The following KRT8 variants were observed in gnomAD, a reference collection of about 807,000 sequenced individuals.
KRT8 encodes keratin, type II cytoskeletal 8.
A neutral mutation model predicts 43.0 loss-of-function variants in KRT8; 24 were observed. That is an observed-to-expected ratio of 0.56 (90% CI 0.40 to 0.78). The LOEUF (loss-of-function observed/expected upper bound fraction) is 0.78. Among genes scored for constraint, KRT8 ranks in the 30% least tolerant of loss-of-function variants. KRT8 has a pLI of 0.00. For synonymous variants in KRT8, 214 were observed against 261.2 expected (o/e 0.82, Z 1.74); for missense variants, 492 against 638.4 (o/e 0.77, Z 2.47).
intron 2 of KRT8, among the ~76,000 whole-genome samples, chr12:52,927,024 C>T (rs961874451): frequency 6.6e-6 from 1 of 152,224 alleles, no homozygotes; most frequent in South Asian, 2.1e-4. Flanking sequence ...CCTATCTCCT[C>T]TCTCCCACAT....
intron 2 of KRT8, among the ~76,000 whole-genome samples, chr12:52,946,160 T>G (rs1942340927): frequency 6.6e-6 from 1 of 152,122 alleles, no homozygotes. Context: ...CCCAGAAGTT[T>G]CCTAGCAGTT....
At chr12:52,901,823 G>A (rs1237996560) in intron 2 of KRT8, 41 bp downstream of exon 2, 1 of 1,384,396 alleles carries the variant, frequency 7.2e-7, no homozygotes, top group South Asian at 1.2e-5. Flanking sequence ...GTGGAGGAGA[G>A]CACGGTGACT....
chr12:52,931,688 G>A (rs1009316131), intron 2 of KRT8, among the ~76,000 whole-genome samples: 6 of 147,856 alleles, frequency 4.1e-5, no homozygotes, highest in African/African-American at 1.6e-4. Flanking sequence ...TTGAGACGGA[G>A]TTTCGCTCTT....
At chr12:52,943,345 T>A (rs141498692) in intron 2 of KRT8, among the ~76,000 whole-genome samples, 1 of 152,278 alleles carries the variant, frequency 6.6e-6, no homozygotes, top group African/African-American at 2.4e-5. Context: ...CCCTGATCCT[T>A]TTGTGCACCT....
At chr12:52,907,005 CA>C, upstream of KRT8, 1 of 303,600 alleles carries the variant, frequency 3.3e-6, no homozygotes, top group Non-Finnish European at 6.6e-6. Flanking sequence ...CACACACACA[CA>C]CACACACCCC....
chr12:52,914,048 TC>T (rs1941686396), intron 2 of KRT8, among the ~76,000 whole-genome samples: 1 of 146,208 alleles, frequency 6.8e-6, no homozygotes, highest in Non-Finnish European at 1.5e-5. Flanking sequence ...CATGGTGAAA[TC>T]CCGTCTCTAC....
At position 52,904,959 on chromosome 12, in the gene KRT8, T is replaced by C. The variant is rs560670999; in HGVS notation, c.23A>G (p.Lys8Arg). The C allele has an allele frequency of 3.0e-5, 48 of 1,610,974 alleles. No homozygotes were observed. The South Asian group carries it at 3.3e-4, about 11-fold the overall frequency. Residue 8 changes from lysine to arginine, a missense_variant, in exon 1 of 8, where the codon AAG becomes AGG. Transcript: ENST00000692008. The stretch of plus-strand genomic sequence containing the variant: ...GCCAGAGGTGGACACCTTGTAGGAC[T>C]TCTGGGTCACCCTGATGGACATGGT...
At chr12:52,929,378 G>A (rs1942048604) in intron 2 of KRT8, among the ~76,000 whole-genome samples, 1 of 151,922 alleles carries the variant, frequency 6.6e-6, no homozygotes, top group South Asian at 2.1e-4. Flanking sequence ...ATTTTTAGTA[G>A]AGACAGGGTT....
At chr12:52,943,923 C>A (rs915435858) in intron 2 of KRT8, among the ~76,000 whole-genome samples, 1 of 152,182 alleles carries the variant, frequency 6.6e-6, no homozygotes, top group African/African-American at 2.4e-5. Context: ...ATTTCACCCC[C>A]CTTTTCAAAG....
chr12:52,902,120 CAA>C, intron 1 of KRT8, 48 bp from the exon 2 acceptor site: 1 of 1,251,044 alleles, frequency 8.0e-7, no homozygotes, highest in Non-Finnish European at 1.2e-6. Context: ...GGCCAGGGCT[CAA>C]AGTCTGGAGG....
At chr12:52,908,310 C>G (rs78239275), upstream of KRT8, among the ~76,000 whole-genome samples, 733 of 152,236 alleles carry the variant, frequency 4.8e-3, 4 homozygotes, top group African/African-American at 0.017. Flanking sequence ...ACTGCAAGCT[C>G]CGCCTCCCGG....
exon 1 of KRT8, chr12:52,949,779 T>C (rs1247656813): frequency 2.8e-6 from 2 of 715,962 alleles, no homozygotes; most frequent in South Asian, 1.5e-5. Flanking sequence ...ATGGGAGGGC[T>C]CTTTCCCAGG....
chr12:52,915,725 G>A (rs1055337864), intron 2 of KRT8, among the ~76,000 whole-genome samples: 1 of 151,748 alleles, frequency 6.6e-6, no homozygotes, highest in African/African-American at 2.4e-5. Context: ...AAAAAAAAAA[G>A]AAGAGAAAAG....
chr12:52,930,271 G>A (rs1231398408), intron 2 of KRT8, among the ~76,000 whole-genome samples: 1 of 151,180 alleles, frequency 6.6e-6, no homozygotes, highest in Non-Finnish European at 1.5e-5. Flanking sequence ...AGGCTGGAGT[G>A]CAATAGCACA....
chr12:52,910,542 G>A (rs10876386), upstream of KRT8, among the ~76,000 whole-genome samples: 22,504 of 152,228 alleles, frequency 0.15, 2,427 homozygotes, highest in East Asian at 0.48. Flanking sequence ...GAGACTGCGA[G>A]AGGACAGACA....
chr12:52,905,688 GAATA>G (rs950556493), upstream of KRT8, among the ~76,000 whole-genome samples: 3 of 151,682 alleles, frequency 2.0e-5, no homozygotes, highest in African/African-American at 4.9e-5. Context: ...ATGAATGAAT[GAATA>G]AATAAATGAG....
At chr12:52,930,746 A>G (rs571295953) in intron 2 of KRT8, among the ~76,000 whole-genome samples, 4 of 149,972 alleles carry the variant, frequency 2.7e-5, no homozygotes, top group Admixed American at 6.7e-5. Context: ...TTTTTTGTAG[A>G]GACAGGGTCT....
chr12:52,898,987 C>A, intron 5 of KRT8, 88 bp from the exon 6 acceptor site: 1 of 1,167,280 alleles, frequency 8.6e-7, no homozygotes, highest in Non-Finnish European at 1.2e-6. Context: ...TCCTCCCCAC[C>A]ACCACCTAGG....
chr12:52,898,559 C>A (rs748733720), intron 6 of KRT8, 40 bp from the exon 7 acceptor site: 3 of 1,612,878 alleles, frequency 1.9e-6, no homozygotes, highest in Non-Finnish European at 2.5e-6. Flanking sequence ...CAACTCCTAG[C>A]CCTTCTTGGC....
Sources: gnomAD v4.1 joint callset for allele counts (sites outside exome capture counted in the v4.1 genomes callset) on GRCh38, gnomAD v4.1.1 for gene constraint, MANE v1.5 for transcripts, NCBI Gene and HGNC (gene_info 2026-07-23, HGNC 2026-07-21) for gene names.